HDAC9: variants seen among roughly 807,000 people sequenced by gnomAD.
HDAC9 encodes histone deacetylase 9.
A neutral mutation model predicts 139.4 loss-of-function variants in HDAC9; 41 were observed. The ratio of observed to expected loss-of-function variants is 0.29; its 90% CI spans 0.23 to 0.38. HDAC9 has a LOEUF of 0.38. HDAC9 is among the 10% of genes least tolerant of loss of function. HDAC9 has a pLI of 1.00. For synonymous variants in HDAC9, 517 were observed against 476.2 expected, an observed-to-expected ratio of 1.09 and a Z score of -1.12; for missense variants, 1,147 against 1,297.0, an observed-to-expected ratio of 0.88 and a Z score of 1.78.
rs191591922 is a variant in HDAC9 at position 18,717,603 on chromosome 7, G to A, written c.1732-9977G>A. ...TGTGCCATCATGCCTGGCTAACTCT[G>A]TATTTTTAGTGGAGATGGGATTTCC... On this transcript the variant is annotated intron_variant, in intron 12 of 25. Coordinates refer to ENST00000686413, the MANE Select transcript of HDAC9 (RefSeq NM_178425.4). Among the ~76,000 whole-genome samples the A allele has an allele frequency of 5.9e-5, 9 of 151,980 alleles. No individual in the cohort carries two copies. In the East Asian group the frequency reaches 1.7e-3, roughly 29 times the overall value.
chr7:18,631,276 A>G (rs1177688913), intron 7 of HDAC9, among the ~76,000 whole-genome samples: 4 of 152,124 alleles, frequency 2.6e-5, no homozygotes, highest in Non-Finnish European at 5.9e-5. Context: ...AACAATATGT[A>G]TTGGAAGAGA....
chr7:18,235,369 C>G (rs1206621884), intron 2 of HDAC9, among the ~76,000 whole-genome samples: 1 of 151,928 alleles, frequency 6.6e-6, no homozygotes, highest in African/African-American at 2.4e-5. Context: ...AACGAACTCT[C>G]TGAAAACAAT....
chr7:18,194,079 A>G (rs1435680405), intron 2 of HDAC9, among the ~76,000 whole-genome samples: 1 of 152,204 alleles, frequency 6.6e-6, no homozygotes, highest in African/African-American at 2.4e-5. Context: ...GGTCGGTCCA[A>G]GCCAAAGAAA....
At position 19,001,676 on chromosome 7, in the gene HDAC9, T is replaced by G. The variant is rs1786758534; in HGVS notation, c.*5614T>G. The G allele has an allele frequency of 6.6e-6, 1 of 152,050 alleles. No individual in the cohort carries two copies. Among genetic ancestry groups the G allele is most frequent in the African/African-American group, 2.4e-5 (1 of 41,440 alleles). 9.4% of individuals were successfully genotyped at this position (152,050 alleles called of 1,614,324 possible). A position where few individuals can be genotyped will look rare whatever the true frequency, so the allele number is the denominator to read the frequency against. ...CTTCCTACACTTTAATAGTCTCAAA[T>G]TCTTTCTGGGGAAGCAACGTCAGTG... is the stretch of plus-strand genomic sequence containing the variant. On this transcript the variant is annotated 3_prime_UTR_variant, in exon 26 of 26. Coordinates refer to ENST00000686413, the MANE Select transcript of HDAC9 (RefSeq NM_178425.4).
At chr7:18,364,908 A>C (rs917903800) in intron 1 of HDAC9, among the ~76,000 whole-genome samples, 2 of 152,138 alleles carry the variant, frequency 1.3e-5, no homozygotes, top group Non-Finnish European at 2.9e-5. Context: ...ATGTAGCAGA[A>C]TCGAAGGGAA....
intron 2 of HDAC9, among the ~76,000 whole-genome samples, chr7:18,172,770 TTTCTTAATCCTGAG>T (rs1194138540): frequency 6.6e-6 from 1 of 152,206 alleles, no homozygotes; most frequent in Non-Finnish European, 1.5e-5. Flanking sequence ...TTTGAGTGAG[TTTCTTAATCCTGAG>T]TTCTAATTTG....
chr7:18,179,460 A>T (rs966654692), intron 2 of HDAC9, among the ~76,000 whole-genome samples: 1 of 152,156 alleles, frequency 6.6e-6, no homozygotes, highest in Non-Finnish European at 1.5e-5. Flanking sequence ...CATTAAAGAA[A>T]TGTTTATATC....
chr7:18,264,450 A>T (rs564726557), intron 2 of HDAC9, among the ~76,000 whole-genome samples: 1 of 152,342 alleles, frequency 6.6e-6, no homozygotes, highest in African/African-American at 2.4e-5. Flanking sequence ...CAGGGTAAAC[A>T]TACATGTATA....
chr7:18,832,424 A>G (rs1389616322), intron 19 of HDAC9, among the ~76,000 whole-genome samples: 1 of 152,230 alleles, frequency 6.6e-6, no homozygotes, highest in Non-Finnish European at 1.5e-5. Context: ...TTTTAACATA[A>G]TAGTGAAAAT....
chr7:18,392,354 G>GACAC (rs1786599772), intron 1 of HDAC9, among the ~76,000 whole-genome samples: 1 of 111,426 alleles, frequency 9.0e-6, no homozygotes, highest in African/African-American at 3.5e-5. Flanking sequence ...CACACACACT[G>GACAC]TCTATATCTA....
At chr7:18,827,434 A>G (rs2129204617) in intron 17 of HDAC9, among the ~76,000 whole-genome samples, 1 of 152,260 alleles carries the variant, frequency 6.6e-6, no homozygotes, top group South Asian at 2.1e-4. Flanking sequence ...ATTATTTTCT[A>G]GAAAGTATCT....
intron 2 of HDAC9, among the ~76,000 whole-genome samples, chr7:18,253,401 C>T (rs998090613): frequency 2.0e-5 from 3 of 152,128 alleles, no homozygotes; most frequent in African/African-American, 4.8e-5. Flanking sequence ...TTCTCCAAAA[C>T]GTTGCCAACA....
At chr7:18,193,856 G>C (rs1424472916) in intron 2 of HDAC9, among the ~76,000 whole-genome samples, 1 of 152,116 alleles carries the variant, frequency 6.6e-6, no homozygotes, top group Non-Finnish European at 1.5e-5. Flanking sequence ...TTTCTGCCTG[G>C]CAATTCCTGA....
At chr7:18,319,261 A>T (rs1458927976) in intron 1 of HDAC9, among the ~76,000 whole-genome samples, 1 of 152,216 alleles carries the variant, frequency 6.6e-6, no homozygotes, top group African/African-American at 2.4e-5. Context: ...AAAACTTTCA[A>T]AATCGCCTTT....
chr7:18,182,992 G>T (rs535021704), intron 2 of HDAC9, among the ~76,000 whole-genome samples: 106 of 151,572 alleles, frequency 7.0e-4, no homozygotes, highest in African/African-American at 2.4e-3. Context: ...GTTTATGGCT[G>T]CCAGTCACTT....
At chr7:18,659,533 A>G (rs1210352291) in intron 11 of HDAC9, among the ~76,000 whole-genome samples, 1 of 152,136 alleles carries the variant, frequency 6.6e-6, no homozygotes, top group Non-Finnish European at 1.5e-5. Context: ...GTTTGAGTAT[A>G]TGTAAGTGTG....
At chr7:18,888,880 A>T (rs17350355) in intron 22 of HDAC9, among the ~76,000 whole-genome samples, 3 of 152,024 alleles carry the variant, frequency 2.0e-5, no homozygotes, top group African/African-American at 7.2e-5. Context: ...CTAGTCATAT[A>T]TAACAATAGA....
At chr7:18,144,043 A>G (rs1362520226) in intron 1 of HDAC9, among the ~76,000 whole-genome samples, 1 of 152,154 alleles carries the variant, frequency 6.6e-6, no homozygotes, top group Non-Finnish European at 1.5e-5. Flanking sequence ...TCTACATGTC[A>G]CACCTGGTTT....
intron 17 of HDAC9, among the ~76,000 whole-genome samples, chr7:18,815,141 C>T (rs1169288978): frequency 6.6e-6 from 1 of 151,946 alleles, no homozygotes; most frequent in Non-Finnish European, 1.5e-5. Flanking sequence ...TTCAAAAAGG[C>T]TATGAACTTC....
Sources: gnomAD v4.1 joint callset for allele counts (sites outside exome capture counted in the v4.1 genomes callset) on GRCh38, gnomAD v4.1.1 for gene constraint, MANE v1.5 for transcripts, NCBI Gene and HGNC (gene_info 2026-07-23, HGNC 2026-07-21) for gene names.